NELL2: variants seen among roughly 807,000 people sequenced by gnomAD.
NELL2 encodes neural EGFL like 2.
A neutral mutation model predicts 109.6 loss-of-function variants in NELL2; 41 were observed. The ratio of observed to expected loss-of-function variants is 0.37; its 90% CI spans 0.29 to 0.49. The LOEUF (loss-of-function observed/expected upper bound fraction) is 0.49, where lower values mean the gene tolerates loss of function less well. NELL2 is among the 20% of genes least tolerant of loss of function. The probability of loss-of-function intolerance (pLI) is 0.98; values close to 1 mark genes in which losing one functional copy is unlikely to be tolerated. For synonymous variants in NELL2, 355 were observed against 344.7 expected (o/e 1.03, Z -0.33); for missense variants, 900 against 1,008.3 (o/e 0.89, Z 1.45).
At chr12:44,657,193 C>T (rs1401666038) in intron 13 of NELL2, among the ~76,000 whole-genome samples, 1 of 152,150 alleles carries the variant, frequency 6.6e-6, no homozygotes, top group Non-Finnish European at 1.5e-5. Flanking sequence ...AAAATATCAT[C>T]ATAAAATTCA....
At chr12:44,898,757 T>G (rs986396035) in intron 1 of NELL2, among the ~76,000 whole-genome samples, 7 of 152,254 alleles carry the variant, frequency 4.6e-5, no homozygotes, top group African/African-American at 1.7e-4. Flanking sequence ...GAGAATGAAT[T>G]TGACAAATTG....
chr12:44,775,925 T>C (rs1941739786), intron 8 of NELL2, 97 bp downstream of exon 8: 11 of 1,400,996 alleles, frequency 7.9e-6, no homozygotes, highest in Non-Finnish European at 8.7e-6. Flanking sequence ...CTTGAGGAAA[T>C]GGGTCTTGAA....
chr12:44,656,111 T>A (rs1007644217), intron 13 of NELL2, among the ~76,000 whole-genome samples: 2 of 152,196 alleles, frequency 1.3e-5, no homozygotes, highest in Admixed American at 6.5e-5. Flanking sequence ...GCTCACAAAA[T>A]CTGTCCTGCT....
At chr12:44,852,290 C>A (rs903253070) in intron 2 of NELL2, among the ~76,000 whole-genome samples, 6 of 152,150 alleles carry the variant, frequency 3.9e-5, no homozygotes, top group African/African-American at 1.2e-4. Context: ...ATTTTCCTTA[C>A]CTACTTCTTC....
chr12:44,589,265 G>GAA (rs199862398), intron 15 of NELL2, among the ~76,000 whole-genome samples: 198 of 136,364 alleles, frequency 1.5e-3, no homozygotes, highest in African/African-American at 5.0e-3. Context: ...CAGTCCAGTG[G>GAA]AAAAAAAAAA....
chr12:44,895,606 T>C (rs1260097337), intron 1 of NELL2, among the ~76,000 whole-genome samples: 1 of 152,106 alleles, frequency 6.6e-6, no homozygotes, highest in African/African-American at 2.4e-5. Context: ...CTCAAAAGTT[T>C]CTAACCCATG....
upstream of NELL2, among the ~76,000 whole-genome samples, chr12:44,918,756 C>T (rs541441466): frequency 7.9e-5 from 12 of 152,194 alleles, no homozygotes; most frequent in South Asian, 2.1e-4. Flanking sequence ...ATTTCTGAAA[C>T]GAGCCTTTCT....
In NELL2 at chr12:44,821,235, G is replaced by A. The variant is rs528306870; in HGVS notation, c.185-5099C>T. 5.3e-5 allele frequency among the ~76,000 whole-genome samples: 8 copies of A among 152,082 alleles called. No individual in the cohort carries two copies. The East Asian group carries it at 1.5e-3, about 29-fold the overall frequency. On this transcript the variant is annotated intron_variant, in intron 2 of 19. Transcript: ENST00000429094. ...ATTACTACTTCCTTTTTTAAAATAAGCAAAAACAGCCATGGAACATTTCCA... is the reference window on the plus strand; with the variant it reads ...ATTACTACTTCCTTTTTTAAAATAAACAAAAACAGCCATGGAACATTTCCA...
chr12:44,589,669 A>G (rs17570542), intron 15 of NELL2, among the ~76,000 whole-genome samples: 19,574 of 152,180 alleles, frequency 0.13, 1,689 homozygotes, highest in East Asian at 0.2. Context: ...ATGAGAAGAG[A>G]CACTACTTTT....
chr12:44,784,745 G>T (rs1942098689), intron 3 of NELL2, among the ~76,000 whole-genome samples: 2 of 151,972 alleles, frequency 1.3e-5, no homozygotes, highest in African/African-American at 4.8e-5. Flanking sequence ...TCAATAAATG[G>T]AATCCATCAC....
intron 13 of NELL2, among the ~76,000 whole-genome samples, chr12:44,613,400 G>A (rs534704470): frequency 2.6e-4 from 40 of 152,242 alleles, no homozygotes; most frequent in African/African-American, 8.9e-4. Flanking sequence ...GATGGGGCAA[G>A]ATAGGAACTA....
At position 44,508,832 on chromosome 12, in the gene NELL2, A is replaced by T. The variant is rs1940845541; in HGVS notation, c.*102T>A. 1 of 963,224 alleles carries T rather than the reference A, an allele frequency of 1.0e-6. No homozygotes were observed. Among genetic ancestry groups the T allele is most frequent in the Admixed American group, 2.2e-5 (1 of 45,812 alleles). 59.7% of individuals were successfully genotyped at this position (963,224 alleles called of 1,614,324 possible). A position where few individuals can be genotyped will look rare whatever the true frequency, so the allele number is the denominator to read the frequency against. On this transcript the variant is annotated 3_prime_UTR_variant, in exon 20 of 20. Transcript: ENST00000429094. ...TTCACTCAGCTATTAACAAAGCTGC[A>T]TTTAGCTGCCCACAAATCACCCAAT... is the stretch of plus-strand genomic sequence containing the variant.
At chr12:44,878,542 C>G (rs1379259859), upstream of NELL2, among the ~76,000 whole-genome samples, 1 of 152,150 alleles carries the variant, frequency 6.6e-6, no homozygotes, top group African/African-American at 2.4e-5. Context: ...TTCTTGGTCT[C>G]TATCCACTGA....
In NELL2 at chr12:44,574,312, G is replaced by A. The variant is rs190296861; in HGVS notation, c.1663+32857C>T. Among the ~76,000 whole-genome samples the A allele has an allele frequency of 1.6e-3, 241 of 151,996 alleles. 1 individual carries two copies. The highest frequency in any genetic ancestry group is 3.0e-3 in the Admixed American group (46 of 15,270). ...TATATGTTCACCATCTGAAAAATCT[G>A]TACAAATTATAATTACAAAAAGAGT... On this transcript the variant is annotated intron_variant, in intron 15 of 19. Transcript: ENST00000429094.
intron 9 of NELL2, among the ~76,000 whole-genome samples, chr12:44,758,630 T>G (rs1486891321): frequency 6.6e-6 from 1 of 152,182 alleles, no homozygotes; most frequent in African/African-American, 2.4e-5. Context: ...TGTCAAGTGA[T>G]GAAGATACAG....
chr12:44,857,888 G>A (rs866987460), intron 2 of NELL2, among the ~76,000 whole-genome samples: 24 of 151,990 alleles, frequency 1.6e-4, no homozygotes, highest in Admixed American at 4.6e-4. Context: ...AGCAAAAGTA[G>A]AACAGAAGAT....
intron 9 of NELL2, among the ~76,000 whole-genome samples, chr12:44,726,474 A>G (rs1158519817): frequency 6.6e-6 from 1 of 152,150 alleles, no homozygotes; most frequent in Non-Finnish European, 1.5e-5. Context: ...TCAAATCTCC[A>G]TATCTCTAGT....
chr12:44,527,228 C>G (rs774927095), intron 16 of NELL2, among the ~76,000 whole-genome samples: 16 of 151,970 alleles, frequency 1.1e-4, no homozygotes, highest in Non-Finnish European at 2.1e-4. Context: ...TTTTTGGTAT[C>G]AAAAGTTCAA....
chr12:44,739,685 G>C (rs1246874749), intron 9 of NELL2, among the ~76,000 whole-genome samples: 1 of 152,198 alleles, frequency 6.6e-6, no homozygotes, highest in Non-Finnish European at 1.5e-5. Context: ...GAGGTCAGCA[G>C]TTCGGGACCA....
Sources: allele counts gnomAD v4.1 joint callset (sites outside exome capture counted in the v4.1 genomes callset), GRCh38; gene constraint gnomAD v4.1.1; transcripts MANE v1.5; gene names NCBI Gene and HGNC (gene_info 2026-07-23, HGNC 2026-07-21).